KCNMA1: variants seen among roughly 807,000 people sequenced by gnomAD.
KCNMA1 encodes the protein potassium calcium-activated channel subfamily M alpha 1, also known as Calcium-activated potassium channel subunit alpha-1.
KCNMA1 carries 29 observed loss-of-function variants against 140.0 expected under a neutral mutation model. The observed-to-expected ratio is 0.21, with a 90% CI of 0.15 to 0.28. KCNMA1 has a LOEUF of 0.28. Among genes scored for constraint, KCNMA1 ranks in the 10% least tolerant of loss-of-function variants. The pLI is 1.00. For synonymous variants in KCNMA1, 612 were observed against 611.9 expected, an observed-to-expected ratio of 1.00 and a Z score of 0.00; for missense variants, 880 against 1,602.2, an observed-to-expected ratio of 0.55 and a Z score of 7.70.
At chr10:76,925,192 C>A (rs887992686) in intron 23 of KCNMA1, among the ~76,000 whole-genome samples, 8 of 152,096 alleles carry the variant, frequency 5.3e-5, no homozygotes, top group African/African-American at 1.7e-4. Flanking sequence ...TGTTGTTAAG[C>A]ATCTTTAATT....
chr10:77,345,270 A>G (rs1011275776), intron 2 of KCNMA1, among the ~76,000 whole-genome samples: 3 of 152,176 alleles, frequency 2.0e-5, no homozygotes, highest in Admixed American at 6.5e-5. Context: ...CTCTTCACAC[A>G]TTATTCAGTT....
At chr10:77,549,480 C>T (rs1348058364) in intron 1 of KCNMA1, among the ~76,000 whole-genome samples, 1 of 152,210 alleles carries the variant, frequency 6.6e-6, no homozygotes, top group Non-Finnish European at 1.5e-5. Context: ...ATCCTCCTAT[C>T]TGCCTCTTTG....
intron 3 of KCNMA1, among the ~76,000 whole-genome samples, chr10:77,238,228 A>G (rs904757058): frequency 1.3e-5 from 2 of 152,108 alleles, no homozygotes; most frequent in East Asian, 3.9e-4. Flanking sequence ...TTCCTCTCCA[A>G]TGGAGGGTGA....
At chr10:77,460,841 C>T (rs1327547615) in intron 1 of KCNMA1, among the ~76,000 whole-genome samples, 3 of 152,110 alleles carry the variant, frequency 2.0e-5, no homozygotes, top group African/African-American at 4.8e-5. Context: ...CATGGTGGTT[C>T]AAGCCTGTAA....
At chr10:77,419,220 A>G (rs2096813582) in intron 1 of KCNMA1, among the ~76,000 whole-genome samples, 1 of 152,048 alleles carries the variant, frequency 6.6e-6, no homozygotes, top group South Asian at 2.1e-4. Flanking sequence ...TATTATAAGG[A>G]TCTGCCAACT....
In KCNMA1 at chr10:77,388,006, C is replaced by A. The variant is rs1371456; in HGVS notation, c.540+15856G>T. On this transcript the variant is annotated intron_variant, in intron 2 of 27. Coordinates refer to ENST00000286628, the MANE Select transcript of KCNMA1 (RefSeq NM_001161352.2). ...AATATTCTCTGTAGCTGCTACTGAT[C>A]AATCAGAATGAACCCAGAAGATGAA... is the stretch of plus-strand genomic sequence containing the variant. Among the ~76,000 whole-genome samples, 534 of 152,240 alleles carry A rather than the reference C, an allele frequency of 3.5e-3. 8 individuals carry two copies. The highest frequency in any genetic ancestry group is 0.027 in the Middle Eastern group (8 of 294).
intron 15 of KCNMA1, among the ~76,000 whole-genome samples, chr10:77,034,876 T>G (rs2153560054): frequency 6.6e-6 from 1 of 152,330 alleles, no homozygotes; most frequent in Admixed American, 6.5e-5. Context: ...TTTTATATTT[T>G]GCAAATGATG....
chr10:77,354,871 A>T (rs1379733297), intron 2 of KCNMA1, among the ~76,000 whole-genome samples: 1 of 152,208 alleles, frequency 6.6e-6, no homozygotes, highest in Non-Finnish European at 1.5e-5. Context: ...CTGCCCAAAA[A>T]AGAGAGACTA....
At chr10:77,089,178 G>C (rs763666464) in intron 10 of KCNMA1, among the ~76,000 whole-genome samples, 1 of 152,162 alleles carries the variant, frequency 6.6e-6, no homozygotes, top group Non-Finnish European at 1.5e-5. Flanking sequence ...AGAAATGTTG[G>C]TGCCCCAACA....
At chr10:77,559,430 A>C (rs1049197104) in intron 1 of KCNMA1, among the ~76,000 whole-genome samples, 3 of 152,112 alleles carry the variant, frequency 2.0e-5, no homozygotes, top group African/African-American at 4.8e-5. Context: ...AAATGCTTTG[A>C]ATATCCTCCC....
rs1002006572 is a variant in KCNMA1 at position 77,490,295 on chromosome 10, G to A, written c.379-86272C>T. Among the ~76,000 whole-genome samples, 5 of 152,066 alleles carry A rather than the reference G, an allele frequency of 3.3e-5. No homozygotes were observed. The East Asian group carries it at 9.6e-4, about 29-fold the overall frequency. ...TCTAACAGGAGATGTGAATGACCAG[G>A]GTTTGATTACATGTAAACTTTTTAA... On this transcript the variant is annotated intron_variant, in intron 1 of 27. Coordinates refer to ENST00000286628, the MANE Select transcript of KCNMA1 (RefSeq NM_001161352.2).
chr10:77,377,159 C>T (rs2095177838), intron 2 of KCNMA1, among the ~76,000 whole-genome samples: 1 of 152,094 alleles, frequency 6.6e-6, no homozygotes, highest in African/African-American at 2.4e-5. Flanking sequence ...CAGGTCTGTC[C>T]ACAGCACATT....
At chr10:77,176,302 A>G (rs998543263) in intron 5 of KCNMA1, among the ~76,000 whole-genome samples, 1 of 152,308 alleles carries the variant, frequency 6.6e-6, no homozygotes, top group Admixed American at 6.5e-5. Flanking sequence ...CATGATTCCT[A>G]AAAAAGAGGG....
intron 23 of KCNMA1, among the ~76,000 whole-genome samples, chr10:76,917,714 T>C (rs1370308333): frequency 6.6e-6 from 1 of 152,246 alleles, no homozygotes; most frequent in Non-Finnish European, 1.5e-5. Context: ...TGCCTCTTTT[T>C]GTTTCCCTAC....
chr10:76,989,436 G>C (rs1379454956), intron 19 of KCNMA1, among the ~76,000 whole-genome samples: 1 of 152,108 alleles, frequency 6.6e-6, no homozygotes, highest in Non-Finnish European at 1.5e-5. Context: ...ATAACAGTAA[G>C]GATTGAAGCA....
chr10:77,517,568 C>T (rs1415614929), intron 1 of KCNMA1, among the ~76,000 whole-genome samples: 4 of 152,164 alleles, frequency 2.6e-5, no homozygotes, highest in Admixed American at 2.0e-4. Context: ...AGTTGGGGCT[C>T]ATGGGGCAAG....
In KCNMA1 at chr10:76,998,570, G is replaced by A. The variant is rs188973591; in HGVS notation, c.2266+2837C>T. ...ATGATTTTCAGAACAACTAAAGAAT[G>A]TAAGAGAAGTAATCTGATCCGCCCA... On this transcript the variant is annotated intron_variant, in intron 19 of 27. Coordinates refer to ENST00000286628, the MANE Select transcript of KCNMA1 (RefSeq NM_001161352.2). Among the ~76,000 whole-genome samples, 184 of 152,322 alleles carry A rather than the reference G, an allele frequency of 1.2e-3. 1 individual carries two copies. In the Middle Eastern group the frequency reaches 0.017, roughly 14 times the overall value.
chr10:77,214,307 A>G (rs2047028831), intron 3 of KCNMA1, among the ~76,000 whole-genome samples: 1 of 152,198 alleles, frequency 6.6e-6, no homozygotes, highest in African/African-American at 2.4e-5. Flanking sequence ...GGCTCAGTGG[A>G]TGGCCTCGCC....
intron 1 of KCNMA1, among the ~76,000 whole-genome samples, chr10:77,576,096 T>C (rs1355801096): frequency 1.3e-5 from 2 of 152,200 alleles, no homozygotes; most frequent in Non-Finnish European, 2.9e-5. Flanking sequence ...TGTGTGCACA[T>C]CCGGACGCAT....
Sources: allele counts gnomAD v4.1 joint callset (sites outside exome capture counted in the v4.1 genomes callset), GRCh38; gene constraint gnomAD v4.1.1; transcripts MANE v1.5; gene names NCBI Gene and HGNC (gene_info 2026-07-23, HGNC 2026-07-21).